B4GALT5: variants seen among roughly 807,000 people sequenced by gnomAD.
The protein encoded by B4GALT5 is beta-1,4-galactosyltransferase 5.
In B4GALT5, 11 loss-of-function variants were observed where a neutral mutation model predicts 45.0. That is an observed-to-expected ratio of 0.24 (90% CI 0.15 to 0.40). The LOEUF is 0.40. Among genes scored for constraint, B4GALT5 ranks in the 10% least tolerant of loss-of-function variants. The pLI, the probability that B4GALT5 is intolerant of heterozygous loss-of-function variation, is 1.00. For synonymous variants in B4GALT5, 185 were observed against 182.9 expected, an observed-to-expected ratio of 1.01 and a Z score of -0.09; for missense variants, 337 against 500.2, an observed-to-expected ratio of 0.67 and a Z score of 3.11.
intron 1 of B4GALT5, among the ~76,000 whole-genome samples, chr20:49,683,146 C>T (rs1183776265): frequency 1.3e-5 from 2 of 151,792 alleles, no homozygotes; most frequent in East Asian, 1.9e-4. Context: ...TGCTTATATA[C>T]AACAAATACA....
Position 49,636,230 on chromosome 20 carries a change from A to G in B4GALT5, c.*82T>C. 4 of 1,518,984 alleles carry G rather than the reference A, an allele frequency of 2.6e-6. No homozygotes were observed. In the South Asian group the frequency reaches 4.8e-5, roughly 18 times the overall value. 94.1% of individuals were successfully genotyped at this position (1,518,984 alleles called of 1,614,324 possible). ...CAGTATTTCTGTTCTCTTGCTGTGT[A>G]GACCCTCCCCCCTCCAAAAAAAAAT... On this transcript the variant is annotated 3_prime_UTR_variant, in exon 9 of 9. Transcript: ENST00000371711.
Position 49,651,632 on chromosome 20 carries a change from C to T in B4GALT5, c.251-4554G>A, listed in dbSNP as rs147156931. Among the ~76,000 whole-genome samples the T allele has an allele frequency of 7.9e-5, 12 of 152,064 alleles. No individual in the cohort carries two copies. In the East Asian group the frequency reaches 2.3e-3, roughly 29 times the overall value. ...AGATAGATAGAAAATGGGAAAACAA[C>T]AGACTCCTACCTACAGGTTCAAATG... is the stretch of plus-strand genomic sequence containing the variant. On this transcript the variant is annotated intron_variant, in intron 2 of 8. Coordinates refer to ENST00000371711, the MANE Select transcript of B4GALT5 (RefSeq NM_004776.4).
Position 49,636,226 on chromosome 20 carries a change from G to T in B4GALT5, c.*86C>A. 6.7e-7 allele frequency: 1 copy of T among 1,499,214 alleles called. No individual in the cohort carries two copies. Among genetic ancestry groups the T allele is most frequent in the Non-Finnish European group, 9.1e-7 (1 of 1,093,122 alleles). 92.9% of individuals were successfully genotyped at this position (1,499,214 alleles called of 1,614,324 possible). On this transcript the variant is annotated 3_prime_UTR_variant, in exon 9 of 9. Coordinates refer to ENST00000371711, the MANE Select transcript of B4GALT5 (RefSeq NM_004776.4). ...GACACAGTATTTCTGTTCTCTTGCT[G>T]TGTAGACCCTCCCCCCTCCAAAAAA...
intron 2 of B4GALT5, among the ~76,000 whole-genome samples, chr20:49,650,591 C>T (rs962268201): frequency 2.0e-5 from 3 of 151,972 alleles, no homozygotes; most frequent in African/African-American, 7.3e-5. Flanking sequence ...GAGCTGAGAT[C>T]ACACGGTTGC....
intron 1 of B4GALT5, among the ~76,000 whole-genome samples, chr20:49,657,718 C>CTCAATACATCT (rs1174920736): frequency 1.6e-4 from 25 of 152,326 alleles, no homozygotes; most frequent in Non-Finnish European, 8.8e-5. Context: ...CTCCTCCACA[C>CTCAATACATCT]TCAATACATC....
chr20:49,662,474 T>A (rs2085669021), intron 1 of B4GALT5, among the ~76,000 whole-genome samples: 1 of 152,134 alleles, frequency 6.6e-6, no homozygotes, highest in East Asian at 1.9e-4. Context: ...ATAATAAATA[T>A]CTGAATTTAA....
chr20:49,705,934 CT>C (rs1272712701), intron 1 of B4GALT5, among the ~76,000 whole-genome samples: 3 of 151,216 alleles, frequency 2.0e-5, no homozygotes, highest in Non-Finnish European at 2.9e-5. Context: ...AATCCCAGCA[CT>C]TTGGAAGGCC....
rs529131564 is a variant in B4GALT5 at position 49,678,172 on chromosome 20, T to G, written c.116-21470A>C. Among the ~76,000 whole-genome samples, 6 of 152,340 alleles carry G rather than the reference T, an allele frequency of 3.9e-5. No individual in the cohort carries two copies. The South Asian group carries it at 6.2e-4, about 16-fold the overall frequency. On this transcript the variant is annotated intron_variant, in intron 1 of 8. Coordinates refer to ENST00000371711, the MANE Select transcript of B4GALT5 (RefSeq NM_004776.4). ...GGCAGGGTAGAGAATCAAATGACACTGGAAGTGGGGCCTTGATCTCACCCC... is the reference window on the plus strand; with the variant it reads ...GGCAGGGTAGAGAATCAAATGACACGGGAAGTGGGGCCTTGATCTCACCCC...
Position 49,640,481 on chromosome 20 carries a change from T to C in B4GALT5, c.791A>G (p.Tyr264Cys). 1 of 1,603,464 alleles carries C rather than the reference T, an allele frequency of 6.2e-7. No individual in the cohort carries two copies. The highest frequency in any genetic ancestry group is 1.3e-5 in the African/African-American group (1 of 74,650). The change falls in exon 6 of 9, where the codon TAT (tyrosine) becomes TGT (cysteine). Residue 264 changes from tyrosine to cysteine, a missense_variant. Physicochemically the swap from Tyr to Cys is radical, Grantham distance 194. This residue lies in a region of B4GALT5 where 163 missense variants were observed against 292.8 expected (regional missense o/e 0.56). Transcript: ENST00000371711. Reference protein sequence around the residue: ...HFATKLDKYMYLLPYTEFFGG... With the variant: ...HFATKLDKYMCLLPYTEFFGG... ...ATTAAGAAGAAATGATACTCACAGA[T>C]ACATATACTTATCCAATTTGGTTGC...
intron 1 of B4GALT5, among the ~76,000 whole-genome samples, chr20:49,713,190 G>A (rs1000694207): frequency 3.3e-5 from 5 of 151,926 alleles, no homozygotes; most frequent in Non-Finnish European, 5.9e-5. Context: ...CCGGGAATGG[G>A]GGTTCGAGGA....
At chr20:49,700,779 A>T (rs1341266568) in intron 1 of B4GALT5, among the ~76,000 whole-genome samples, 1 of 152,236 alleles carries the variant, frequency 6.6e-6, no homozygotes, top group Non-Finnish European at 1.5e-5. Flanking sequence ...AGGGGGACAG[A>T]GCAGGATGGT....
At chr20:49,697,284 T>C (rs1430789136) in intron 1 of B4GALT5, among the ~76,000 whole-genome samples, 1 of 152,258 alleles carries the variant, frequency 6.6e-6, no homozygotes, top group Non-Finnish European at 1.5e-5. Flanking sequence ...CCACAGCACC[T>C]GCTCCTCAAG....
In B4GALT5 at chr20:49,655,895, G is replaced by T. The variant is rs1459310124; in HGVS notation, c.250+673C>A. On this transcript the variant is annotated intron_variant, in intron 2 of 8. Transcript: ENST00000371711. ...AGTGAGCCGAAATCACCCGTTGCATGCCAGCCTGGATGACAGGAGCAAAAC... is the reference window on the plus strand; with the variant it reads ...AGTGAGCCGAAATCACCCGTTGCATTCCAGCCTGGATGACAGGAGCAAAAC... Among the ~76,000 whole-genome samples, 5 of 144,596 alleles carry T rather than the reference G, an allele frequency of 3.5e-5. No individual in the cohort carries two copies. In the Admixed American group the frequency reaches 3.5e-4, roughly 10 times the overall value. The allele number at this position is 144,596 out of a possible 152,430, so 94.9% of individuals were successfully genotyped here. A position where few individuals can be genotyped will look rare whatever the true frequency, so the allele number is the denominator to read the frequency against.
chr20:49,642,426 T>C, intron 5 of B4GALT5, 42 bp downstream of exon 5: 1 of 1,451,462 alleles, frequency 6.9e-7, no homozygotes, highest in Non-Finnish European at 9.6e-7. Context: ...TAAACTGCTG[T>C]CTCAGAAGAG....
intron 5 of B4GALT5, 119 bp from the exon 6 acceptor site, chr20:49,640,784 C>T (rs964055036): frequency 3.0e-6 from 3 of 993,804 alleles, no homozygotes; most frequent in Non-Finnish European, 2.9e-6. Context: ...GCTAGTGTAA[C>T]CAGGTCCAAC....
At chr20:49,657,782 G>A (rs1370459833) in intron 1 of B4GALT5, among the ~76,000 whole-genome samples, 1 of 152,104 alleles carries the variant, frequency 6.6e-6, no homozygotes, top group Non-Finnish European at 1.5e-5. Context: ...CTGACATTAG[G>A]TTTCATCACT....
intron 1 of B4GALT5, among the ~76,000 whole-genome samples, chr20:49,706,963 A>G (rs1406131156): frequency 6.6e-6 from 1 of 152,196 alleles, no homozygotes; most frequent in African/African-American, 2.4e-5. Flanking sequence ...GCTCTCTCAG[A>G]GAGCTCTAAA....
At chr20:49,712,145 T>C (rs925729091) in intron 1 of B4GALT5, among the ~76,000 whole-genome samples, 2 of 152,232 alleles carry the variant, frequency 1.3e-5, no homozygotes, top group Non-Finnish European at 2.9e-5. Context: ...CCCTTCTTCC[T>C]GGAAGTTACA....
chr20:49,645,198 C>A (rs2085593964), intron 3 of B4GALT5, among the ~76,000 whole-genome samples: 1 of 151,276 alleles, frequency 6.6e-6, no homozygotes, highest in Non-Finnish European at 1.5e-5. Context: ...CATAGTGAGA[C>A]CCCCACCTCT....
Sources: gnomAD v4.1 joint callset for allele counts (sites outside exome capture counted in the v4.1 genomes callset) on GRCh38, gnomAD v4.1.1 for gene constraint, gnomAD v4.1.1 regional missense constraint, MANE v1.5 for transcripts, NCBI Gene and HGNC (gene_info 2026-07-23, HGNC 2026-07-21) for gene names.